RERE: variants seen among roughly 807,000 people sequenced by gnomAD.
RERE encodes the protein arginine-glutamic acid dipeptide repeats protein.
RERE carries 40 observed loss-of-function variants against 146.1 expected under a neutral mutation model. The observed-to-expected ratio is 0.27, with a 90% CI of 0.21 to 0.36. The LOEUF (loss-of-function observed/expected upper bound fraction) is 0.36. Among genes scored for constraint, RERE ranks in the 10% least tolerant of loss-of-function variants. The pLI, the probability that RERE is intolerant of heterozygous loss-of-function variation, is 1.00. For synonymous variants in RERE, 1,003 were observed against 866.0 expected (o/e 1.16, Z -2.78); for missense variants, 1,933 against 2,138.7 (o/e 0.90, Z 1.90).
rs557734807 is a variant in RERE at position 8,656,429 on chromosome 1, C to T, written c.-132G>A. ...AATCCAACCACTCCAACAACCCCAA[C>T]GTTTCAAAAATGCTAGGAGAGAAAA... is the stretch of plus-strand genomic sequence containing the variant. On this transcript the variant is annotated 5_prime_UTR_variant, in exon 2 of 23. Transcript: ENST00000400908. The T allele has an allele frequency of 1.8e-5, 22 of 1,239,360 alleles. No homozygotes were observed. In the South Asian group the frequency reaches 3.3e-4, roughly 19 times the overall value. 76.8% of individuals were successfully genotyped at this position (1,239,360 alleles called of 1,614,324 possible).
intron 1 of RERE, among the ~76,000 whole-genome samples, chr1:8,799,936 C>G (rs1158355661): frequency 6.6e-6 from 1 of 151,980 alleles, no homozygotes; most frequent in Non-Finnish European, 1.5e-5. Context: ...GCCTCAGCCT[C>G]CCAAGTAGTT....
chr1:8,365,133 C>T (rs1169570503), intron 13 of RERE, among the ~76,000 whole-genome samples: 6 of 152,222 alleles, frequency 3.9e-5, no homozygotes, highest in Non-Finnish European at 5.9e-5. Context: ...CTGGGACAAG[C>T]GCGTCCATGC....
At chr1:8,604,463 G>A (rs1646673030) in intron 4 of RERE, among the ~76,000 whole-genome samples, 1 of 152,062 alleles carries the variant, frequency 6.6e-6, no homozygotes, top group South Asian at 2.1e-4. Flanking sequence ...TCTGAAAGGA[G>A]GGCAGAGGCA....
At chr1:8,703,323 C>T (rs1327687702) in intron 1 of RERE, 2 of 150,876 alleles carry the variant, frequency 1.3e-5, no homozygotes, top group East Asian at 1.9e-4. Context: ...CGCCCTGGCC[C>T]GAGCCTGCTG....
chr1:8,438,178 G>T (rs145300875), intron 11 of RERE, among the ~76,000 whole-genome samples: 1 of 151,926 alleles, frequency 6.6e-6, no homozygotes, highest in Non-Finnish European at 1.5e-5. Flanking sequence ...TTGTAGAGAC[G>T]GGGTTCTCAC....
At chr1:8,664,072 A>G (rs911966370) in intron 1 of RERE, among the ~76,000 whole-genome samples, 2 of 152,004 alleles carry the variant, frequency 1.3e-5, no homozygotes, top group African/African-American at 4.8e-5. Flanking sequence ...TTCCCCACTA[A>G]CTGCAAAGTC....
At chr1:8,682,701 C>G (rs1049586552) in intron 1 of RERE, among the ~76,000 whole-genome samples, 1 of 152,070 alleles carries the variant, frequency 6.6e-6, no homozygotes, top group Non-Finnish European at 1.5e-5. Context: ...AAATGTGAAG[C>G]ATGTAATAAT....
intron 1 of RERE, among the ~76,000 whole-genome samples, chr1:8,741,543 A>T (rs1160891409): frequency 6.6e-6 from 1 of 152,164 alleles, no homozygotes; most frequent in African/African-American, 2.4e-5. Context: ...GTGAGTTCTC[A>T]TAAGATCCGA....
At chr1:8,509,455 T>C (rs1197837786) in intron 7 of RERE, among the ~76,000 whole-genome samples, 1 of 151,672 alleles carries the variant, frequency 6.6e-6, no homozygotes, top group Non-Finnish European at 1.5e-5. Flanking sequence ...CGTCCGTCCA[T>C]CCAACAAATA....
chr1:8,375,681 T>TTTCCTCACTCAGCAGCCACTGAAAATGC (rs1557597408), intron 12 of RERE, among the ~76,000 whole-genome samples: 1 of 62,736 alleles, frequency 1.6e-5, no homozygotes, highest in African/African-American at 6.1e-5. Context: ...ACTGAAAATG[T>TTTCCTCACTCAGCAGCCACTGAAAATGC]TTCCTCACTC....
chr1:8,766,671 G>A (rs1640855164), intron 1 of RERE, among the ~76,000 whole-genome samples: 2 of 152,088 alleles, frequency 1.3e-5, no homozygotes, highest in African/African-American at 4.8e-5. Flanking sequence ...TCTATATAGT[G>A]GGGAGAAGAG....
chr1:8,706,641 A>G (rs1639566480), intron 1 of RERE, among the ~76,000 whole-genome samples: 1 of 152,172 alleles, frequency 6.6e-6, no homozygotes, highest in Non-Finnish European at 1.5e-5. Flanking sequence ...AAGCACTACC[A>G]AATTCTGCTG....
At chr1:8,655,794 G>A (rs925384787) in intron 2 of RERE, among the ~76,000 whole-genome samples, 179 bp downstream of exon 2, 1 of 152,144 alleles carries the variant, frequency 6.6e-6, no homozygotes, top group African/African-American at 2.4e-5. Flanking sequence ...GCAGACACAA[G>A]CAAGAAGTGG....
At chr1:8,505,653 C>T (rs1233739685) in intron 8 of RERE, among the ~76,000 whole-genome samples, 2 of 152,236 alleles carry the variant, frequency 1.3e-5, no homozygotes, top group Admixed American at 1.3e-4. Context: ...ACTTCAGCCT[C>T]CTGAGTGGCT....
chr1:8,550,954 A>C (rs374635289), intron 6 of RERE, among the ~76,000 whole-genome samples: 1 of 152,224 alleles, frequency 6.6e-6, no homozygotes, highest in Non-Finnish European at 1.5e-5. Context: ...TGCTCATAAC[A>C]AAGTAGGGAG....
At chr1:8,525,969 C>T in intron 7 of RERE, 2 of 1,350,164 alleles carry the variant, frequency 1.5e-6, no homozygotes, top group South Asian at 3.7e-5. Context: ...CTTCCCCTCA[C>T]TCTGACAGGA....
chr1:8,371,931 G>T (rs569170400), intron 12 of RERE, among the ~76,000 whole-genome samples: 39 of 152,308 alleles, frequency 2.6e-4, no homozygotes, highest in Non-Finnish European at 4.4e-4. Context: ...TGTGAGCAGG[G>T]TCTCCTCCCA....
At chr1:8,473,765 T>G (rs1224139575) in intron 10 of RERE, among the ~76,000 whole-genome samples, 1 of 152,192 alleles carries the variant, frequency 6.6e-6, no homozygotes, top group Non-Finnish European at 1.5e-5. Flanking sequence ...CCACCAGCCC[T>G]CAGCTGGGTC....
At chr1:8,647,689 A>G (rs1401663037) in intron 2 of RERE, among the ~76,000 whole-genome samples, 1 of 140,242 alleles carries the variant, frequency 7.1e-6, no homozygotes, top group Non-Finnish European at 1.6e-5. Context: ...CCCCTGGAAC[A>G]CCAAATACCA....
Sources: allele counts gnomAD v4.1 joint callset (sites outside exome capture counted in the v4.1 genomes callset), GRCh38; gene constraint gnomAD v4.1.1; transcripts MANE v1.5; gene names NCBI Gene and HGNC (gene_info 2026-07-23, HGNC 2026-07-21).